The following SLC27A2 variants were observed in gnomAD, a reference collection of about 807,000 sequenced individuals.
SLC27A2 encodes long-chain fatty acid transport protein 2.
A neutral mutation model predicts 60.0 loss-of-function variants in SLC27A2; 54 were observed. The observed-to-expected ratio is 0.90, with a 90% confidence interval of 0.72 to 1.13. The LOEUF is 1.13. Ranked by LOEUF, SLC27A2 falls within the 50% of genes most tolerant of loss-of-function variation. The pLI is 0.00. For missense variants in SLC27A2, 739 were observed against 777.6 expected (o/e 0.95, Z 0.59); for synonymous variants, 297 against 297.6 (o/e 1.00, Z 0.02).
intron 1 of SLC27A2, among the ~76,000 whole-genome samples, chr15:50,183,666 C>T (rs1039755359): frequency 1.3e-5 from 2 of 152,164 alleles, no homozygotes; most frequent in South Asian, 4.1e-4. Context: ...ACCTGTTACT[C>T]ACAGGGCTGA....
chr15:50,189,279 C>G (rs1178774097), intron 1 of SLC27A2, among the ~76,000 whole-genome samples: 1 of 152,190 alleles, frequency 6.6e-6, no homozygotes, highest in African/African-American at 2.4e-5. Flanking sequence ...TCCTCCTAAT[C>G]AATGACTCTG....
intron 3 of SLC27A2, 151 bp from the exon 4 acceptor site, chr15:50,205,088 A>G: frequency 1.3e-6 from 1 of 799,684 alleles, no homozygotes; most frequent in Admixed American, 3.3e-5. Context: ...TGTCTTACTA[A>G]TTTTTTGCAT....
intron 4 of SLC27A2, among the ~76,000 whole-genome samples, chr15:50,211,285 A>G (rs538443417): frequency 2.0e-5 from 3 of 152,202 alleles, no homozygotes; most frequent in Non-Finnish European, 4.4e-5. Flanking sequence ...TGAGAGACCC[A>G]TAAATCATTC....
At chr15:50,215,166 C>G (rs113857884) in intron 4 of SLC27A2, among the ~76,000 whole-genome samples, 2 of 152,224 alleles carry the variant, frequency 1.3e-5, no homozygotes, top group African/African-American at 4.8e-5. Flanking sequence ...CTTCTATACA[C>G]CAACAGCGAC....
intron 2 of SLC27A2, chr15:50,198,573 C>T (rs900543179): frequency 2.6e-5 from 4 of 151,950 alleles, no homozygotes; most frequent in Non-Finnish European, 5.9e-5. Flanking sequence ...CTTGTTTATT[C>T]GTGTGATAGA....
chr15:50,196,072 AAAAAAATATATATATATATAT>A lies in SLC27A2; in HGVS notation c.479-1426_479-1406del, dbSNP rs2045016912. On this transcript the variant is annotated intron_variant, in intron 1 of 9. Coordinates refer to ENST00000267842, the MANE Select transcript of SLC27A2 (RefSeq NM_003645.4). The stretch of plus-strand genomic sequence containing the variant: ...CTGTCTCAAAAAAAAAAAAAAAAAA[AAAAAAATATATATATATATAT>A]ATATATATATATATATATATATATA... 2.8e-4 allele frequency among the ~76,000 whole-genome samples: 5 copies of A among 18,116 alleles called. 2 individuals carry two copies. The highest frequency in any genetic ancestry group is 1.8e-3 in the Admixed American group (2 of 1,116). 11.9% of individuals were successfully genotyped at this position (18,116 alleles called of 152,430 possible).
At chr15:50,203,092 G>A (rs1281069910) in intron 3 of SLC27A2, among the ~76,000 whole-genome samples, 1 of 151,694 alleles carries the variant, frequency 6.6e-6, no homozygotes, top group East Asian at 1.9e-4. Context: ...GGAGGCTGAA[G>A]TAGAAGAATT....
intron 1 of SLC27A2, among the ~76,000 whole-genome samples, chr15:50,184,290 G>A (rs898968245): frequency 2.9e-4 from 44 of 151,696 alleles, no homozygotes; most frequent in Admixed American, 2.2e-3. Flanking sequence ...ACCACACCCA[G>A]CCTCTTTCCT....
rs576904478 is a variant in SLC27A2, at chr15:50,228,494, GAT to G, written c.1458-450_1458-449del. ...TAGAATCTCCCTGTAACTAAAGTGT[GAT>G]TTTTTTTTTCCTTTCTTGTTGCCGT... On this transcript the variant is annotated intron_variant, in intron 7 of 9. Coordinates refer to ENST00000267842, the MANE Select transcript of SLC27A2 (RefSeq NM_003645.4). Among the ~76,000 whole-genome samples the G allele has an allele frequency of 1.6e-3, 223 of 142,550 alleles. 2 individuals carry two copies. Among genetic ancestry groups the G allele is most frequent in the African/African-American group, 5.5e-3 (210 of 38,236 alleles). 93.5% of individuals were successfully genotyped at this position (142,550 alleles called of 152,430 possible).
chr15:50,204,625 C>G lies in SLC27A2; in HGVS notation c.848-614C>G, dbSNP rs570413449. 2.0e-5 allele frequency among the ~76,000 whole-genome samples: 3 copies of G among 151,752 alleles called. No homozygotes were observed. In the South Asian group the frequency reaches 6.3e-4, roughly 32 times the overall value. ...GCACGCGCCTGTAATCCCAGCTACT[C>G]AGGAGGCTGAGGCAGGAGAATCACT... On this transcript the variant is annotated intron_variant, in intron 3 of 9. Coordinates refer to ENST00000267842, the MANE Select transcript of SLC27A2 (RefSeq NM_003645.4).
At chr15:50,191,024 G>A (rs553684104) in intron 1 of SLC27A2, 1 of 152,268 alleles carries the variant, frequency 6.6e-6, no homozygotes, top group Admixed American at 6.5e-5. Context: ...TAATCTGAAT[G>A]GCTCATACAA....
chr15:50,234,419 C>A (rs921123410), intron 9 of SLC27A2, among the ~76,000 whole-genome samples: 1 of 151,924 alleles, frequency 6.6e-6, no homozygotes, highest in Non-Finnish European at 1.5e-5. Context: ...GAAACCCGGT[C>A]TCTACTAAAT....
At chr15:50,226,278 T>C (rs2045278059) in intron 6 of SLC27A2, 200 bp downstream of exon 6, 1 of 516,526 alleles carries the variant, frequency 1.9e-6, no homozygotes, top group Admixed American at 3.3e-5. Context: ...GTTTTAAACA[T>C]AGCTTAACAA....
At chr15:50,223,343 T>A (rs1424899639) in intron 5 of SLC27A2, among the ~76,000 whole-genome samples, 184 bp downstream of exon 5, 1 of 152,196 alleles carries the variant, frequency 6.6e-6, no homozygotes, top group African/African-American at 2.4e-5. Flanking sequence ...GATCCTCCAA[T>A]TAAAAGCATC....
intron 4 of SLC27A2, among the ~76,000 whole-genome samples, chr15:50,218,399 A>C (rs1156628493): frequency 6.6e-6 from 1 of 152,152 alleles, no homozygotes; most frequent in East Asian, 1.9e-4. Flanking sequence ...GGAGAGGAGG[A>C]AATGATCAAA....
intron 1 of SLC27A2, among the ~76,000 whole-genome samples, chr15:50,184,665 C>T (rs930480284): frequency 6.6e-6 from 1 of 151,560 alleles, no homozygotes; most frequent in Non-Finnish European, 1.5e-5. Context: ...GCAAAAACCC[C>T]GTCTCGACTA....
At chr15:50,197,253 T>A (rs1303972054) in intron 1 of SLC27A2, among the ~76,000 whole-genome samples, 1 of 152,144 alleles carries the variant, frequency 6.6e-6, no homozygotes, top group African/African-American at 2.4e-5. Flanking sequence ...ATCCCCACAC[T>A]TTGGGAGGCC....
At chr15:50,190,690 T>G (rs556297292) in intron 1 of SLC27A2, among the ~76,000 whole-genome samples, 56 of 152,040 alleles carry the variant, frequency 3.7e-4, no homozygotes, top group Middle Eastern at 7.0e-3. Context: ...TGAACAGACT[T>G]TAAAGGGGAT....
intron 1 of SLC27A2, among the ~76,000 whole-genome samples, chr15:50,194,709 G>A (rs1258672027): frequency 6.6e-6 from 1 of 152,024 alleles, no homozygotes; most frequent in Non-Finnish European, 1.5e-5. Flanking sequence ...GCACAGGAGT[G>A]GATGCTACCA....
Sources: gnomAD v4.1 joint callset for allele counts (sites outside exome capture counted in the v4.1 genomes callset) on GRCh38, gnomAD v4.1.1 for gene constraint, MANE v1.5 for transcripts, NCBI Gene and HGNC (gene_info 2026-07-23, HGNC 2026-07-21) for gene names.